Variants in STYXL2 observed in about 807,000 individuals in gnomAD.
STYXL2 encodes serine/threonine/tyrosine interacting like 2.
A neutral mutation model predicts 52.4 loss-of-function variants in STYXL2; 44 were observed. That is an observed-to-expected ratio of 0.84 (90% CI 0.66 to 1.08). The LOEUF (loss-of-function observed/expected upper bound fraction) is 1.08, where lower values mean the gene tolerates loss of function less well. Ranked by LOEUF, STYXL2 falls within the 50% of genes least tolerant of loss-of-function variation. The pLI is 0.00. For synonymous variants in STYXL2, 604 were observed against 586.9 expected (o/e 1.03, Z -0.42); for missense variants, 1,604 against 1,471.7 (o/e 1.09, Z -1.47).
chr1:167,118,260 T>C (rs1667773112), intron 4 of STYXL2, among the ~76,000 whole-genome samples: 1 of 152,226 alleles, frequency 6.6e-6, no homozygotes, highest in Admixed American at 6.5e-5. Flanking sequence ...TCACATCCTA[T>C]TTCTTTAGGA....
At chr1:167,112,983 G>T (rs36040922) in intron 2 of STYXL2, among the ~76,000 whole-genome samples, 1 of 152,044 alleles carries the variant, frequency 6.6e-6, no homozygotes, top group African/African-American at 2.4e-5. Flanking sequence ...CATCCCCACC[G>T]CCATAGTGCA....
chr1:167,119,490 G>T, intron 5 of STYXL2, 24 bp downstream of exon 5: 2 of 1,605,612 alleles, frequency 1.2e-6, no homozygotes, highest in Non-Finnish European at 8.5e-7. Context: ...GCCGCTCCAG[G>T]CTGCTGGAAT....
Position 167,119,400 on chromosome 1 carries a change from G to A in STYXL2, c.589G>A (p.Val197Met), listed in dbSNP as rs371773446. 7.6e-5 allele frequency: 122 copies of A among 1,614,070 alleles called. No individual in the cohort carries two copies. Among genetic ancestry groups the A allele is most frequent in the Admixed American group, 2.2e-4 (13 of 60,004 alleles). Reference protein sequence around the residue: ...LGVEVDDFPEVDISQHFRKAS... With the variant: ...LGVEVDDFPEMDISQHFRKAS... The stretch of plus-strand genomic sequence containing the variant: ...TGTAGAGGTGGATGACTTTCCTGAG[G>A]TGGACATTTCCCAGCATTTCCGGAA... The change falls in exon 5 of 6, where the codon GTG becomes ATG. Residue 197 changes from valine to methionine, a missense_variant. By Grantham distance (21) the Val-to-Met change is conservative (BLOSUM62 1). Transcript: ENST00000361200.
intron 2 of STYXL2, among the ~76,000 whole-genome samples, chr1:167,097,941 T>A (rs1381827094): frequency 1.3e-5 from 2 of 151,878 alleles, no homozygotes; most frequent in African/African-American, 4.8e-5. Context: ...GGTAGGATGA[T>A]TGCTTGAGGC....
intron 3 of STYXL2, among the ~76,000 whole-genome samples, chr1:167,116,879 A>C (rs1202824686): frequency 6.6e-6 from 1 of 151,882 alleles, no homozygotes; most frequent in Non-Finnish European, 1.5e-5. Context: ...TGAACTGCTG[A>C]CCTCAGGTCA....
chr1:167,122,900 C>G (rs1000336861), intron 5 of STYXL2, among the ~76,000 whole-genome samples: 5 of 152,276 alleles, frequency 3.3e-5, no homozygotes, highest in African/African-American at 1.2e-4. Flanking sequence ...CTCCTGATCT[C>G]AAGTGATCCA....
intron 3 of STYXL2, among the ~76,000 whole-genome samples, chr1:167,117,012 A>C (rs1014130063): frequency 1.3e-5 from 2 of 152,118 alleles, no homozygotes; most frequent in Non-Finnish European, 2.9e-5. Context: ...GTATGAATCA[A>C]AGTACACCTA....
At chr1:167,111,186 T>C (rs1266996065) in intron 2 of STYXL2, among the ~76,000 whole-genome samples, 6 of 151,960 alleles carry the variant, frequency 3.9e-5, no homozygotes, top group Non-Finnish European at 7.4e-5. Context: ...CTTTTAGATG[T>C]GGGCATGGAT....
At chr1:167,103,244 T>G (rs2102225032) in intron 2 of STYXL2, among the ~76,000 whole-genome samples, 1 of 152,334 alleles carries the variant, frequency 6.6e-6, no homozygotes, top group Non-Finnish European at 1.5e-5. Flanking sequence ...ACTTAATTAC[T>G]CCTGCAATGA....
intron 5 of STYXL2, 55 bp from the exon 6 acceptor site, chr1:167,125,732 A>G: frequency 3.3e-6 from 5 of 1,514,156 alleles, no homozygotes; most frequent in Non-Finnish European, 4.4e-6. Context: ...ACAAACAAGA[A>G]CACTACAAGG....
chr1:167,100,044 C>T (rs112148069), intron 2 of STYXL2, among the ~76,000 whole-genome samples: 19 of 152,290 alleles, frequency 1.2e-4, no homozygotes, highest in African/African-American at 4.6e-4. Context: ...CTGGAAAGTC[C>T]GAGATCAAGT....
chr1:167,107,290 C>T (rs1046243147), intron 2 of STYXL2, among the ~76,000 whole-genome samples: 3 of 152,182 alleles, frequency 2.0e-5, no homozygotes, highest in African/African-American at 7.2e-5. Context: ...TCACTTCCAC[C>T]ATGTTGTATT....
chr1:167,107,460 C>T (rs1252438068), intron 2 of STYXL2, among the ~76,000 whole-genome samples: 2 of 152,184 alleles, frequency 1.3e-5, no homozygotes, highest in Non-Finnish European at 2.9e-5. Context: ...TTGTATACCT[C>T]TTGGCCTCTG....
At chr1:167,094,468 T>G (rs1667238333) in intron 1 of STYXL2, 2 of 274,500 alleles carry the variant, frequency 7.3e-6, no homozygotes. Context: ...TGTATGCACA[T>G]CCTATAATTT....
chr1:167,119,930 A>G (rs529256283), intron 5 of STYXL2, among the ~76,000 whole-genome samples: 1 of 152,312 alleles, frequency 6.6e-6, no homozygotes, highest in South Asian at 2.1e-4. Flanking sequence ...TTCCTGCAGA[A>G]GAGAACTAGT....
In STYXL2 at chr1:167,125,968, G is replaced by A; in HGVS notation, c.837G>A (p.Met279Ile). ...KQLRELNEKL[M>I]EEREEDYGRE... ...TGCGGGAGCTCAATGAGAAGTTGAT[G>A]GAGGAGAGAGAAGAGGACTATGGCC... The change falls in exon 6 of 6, where the codon ATG (methionine) becomes ATA (isoleucine). Residue 279 changes from methionine (M) to isoleucine (I), a missense_variant. By Grantham distance (10) the Met-to-Ile change is conservative (BLOSUM62 1). Transcript: ENST00000361200. 1.2e-6 allele frequency: 2 copies of A among 1,613,686 alleles called. No individual in the cohort carries two copies. The highest frequency in any genetic ancestry group is 1.7e-6 in the Non-Finnish European group (2 of 1,179,858).
chr1:167,119,522 G>T, intron 5 of STYXL2, 56 bp downstream of exon 5: 1 of 1,514,440 alleles, frequency 6.6e-7, no homozygotes, highest in South Asian at 1.1e-5. Flanking sequence ...AAAGTAATGT[G>T]GGGAATGTTA....
At chr1:167,117,621 C>A (rs141168445) in intron 4 of STYXL2, 62 bp downstream of exon 4, 5 of 1,447,114 alleles carry the variant, frequency 3.5e-6, no homozygotes, top group East Asian at 5.0e-5. Flanking sequence ...CTGAGACAGA[C>A]GAAACTCCCC....
In STYXL2 at chr1:167,127,290, T is replaced by C. The variant is rs1326874260; in HGVS notation, c.2159T>C (p.Ile720Thr). The C allele has an allele frequency of 6.2e-7, 1 of 1,614,076 alleles. No homozygotes were observed. Among genetic ancestry groups the C allele is most frequent in the Non-Finnish European group, 8.5e-7 (1 of 1,180,032 alleles). ...LPVGPGDTIS[I>T]ASIQNWIANV... is the part of the protein sequence containing the mutation. The stretch of plus-strand genomic sequence containing the variant: ...GTGGGGCCTGGAGACACCATTTCCA[T>C]TGCCAGTATCCAGAACTGGATTGCC... The change falls in exon 6 of 6, where the codon ATT (isoleucine) becomes ACT (threonine). Residue 720 changes from isoleucine (I) to threonine (T), a missense_variant. Coordinates refer to ENST00000361200, the MANE Select transcript of STYXL2 (RefSeq NM_001080426.3).
Sources: gnomAD v4.1 joint callset for allele counts (sites outside exome capture counted in the v4.1 genomes callset) on GRCh38, gnomAD v4.1.1 for gene constraint, MANE v1.5 for transcripts, NCBI Gene and HGNC (gene_info 2026-07-23, HGNC 2026-07-21) for gene names.